Variants in GALNT11 observed in about 807,000 individuals in gnomAD.
The protein encoded by GALNT11 is UDP-GalNAc:polypeptide N-acetylgalactosaminyltransferase 11.
A neutral mutation model predicts 72.7 loss-of-function variants in GALNT11; 47 were observed. That is an observed-to-expected ratio of 0.65 (90% CI 0.51 to 0.82). The LOEUF is 0.82. Among genes scored for constraint, GALNT11 ranks in the 40% least tolerant of loss-of-function variants. The probability of loss-of-function intolerance (pLI) is 0.00; values close to 1 mark genes in which losing one functional copy is unlikely to be tolerated. For missense variants in GALNT11, 677 were observed against 778.4 expected, an observed-to-expected ratio of 0.87 and a Z score of 1.55; for synonymous variants, 270 against 286.6, an observed-to-expected ratio of 0.94 and a Z score of 0.58.
intron 1 of GALNT11, among the ~76,000 whole-genome samples, chr7:152,072,327 A>AG (rs2084701998): frequency 6.6e-6 from 1 of 151,838 alleles, no homozygotes; most frequent in African/African-American, 2.4e-5. Context: ...AAAAAAAAAA[A>AG]AAAAAGAAAA....
chr7:152,090,762 T>C (rs1169974984), intron 1 of GALNT11, among the ~76,000 whole-genome samples: 1 of 151,898 alleles, frequency 6.6e-6, no homozygotes, highest in Non-Finnish European at 1.5e-5. Flanking sequence ...CCTCTCCATC[T>C]TCCTGAAGCT....
intron 1 of GALNT11, among the ~76,000 whole-genome samples, chr7:152,037,094 A>G (rs977160429): frequency 3.9e-5 from 6 of 152,100 alleles, no homozygotes; most frequent in Admixed American, 3.3e-4. Context: ...ATGTGATACC[A>G]TTTGTCCATG....
At chr7:152,102,896 G>A (rs955682554) in intron 3 of GALNT11, among the ~76,000 whole-genome samples, 23 of 151,030 alleles carry the variant, frequency 1.5e-4, no homozygotes, top group East Asian at 2.0e-4. Flanking sequence ...CAGGAGAATC[G>A]CTTGAACCTG....
chr7:152,087,067 A>G (rs2085694803), intron 1 of GALNT11, among the ~76,000 whole-genome samples: 1 of 152,094 alleles, frequency 6.6e-6, no homozygotes, highest in Admixed American at 6.5e-5. Context: ...AATTGTTGCT[A>G]TATTCTACGC....
chr7:152,102,553 A>C (rs2087049540), intron 3 of GALNT11, among the ~76,000 whole-genome samples: 1 of 152,004 alleles, frequency 6.6e-6, no homozygotes, highest in South Asian at 2.1e-4. Context: ...AAAAAGAAAA[A>C]ATTTATCCAA....
rs190282501 is a variant in GALNT11 at position 152,063,976 on chromosome 7, C to T, written c.-38-30214C>T. 4.9e-4 allele frequency among the ~76,000 whole-genome samples: 74 copies of T among 152,196 alleles called. 1 individual carries two copies. Among genetic ancestry groups the T allele is most frequent in the African/African-American group, 1.6e-3 (66 of 41,518 alleles). ...GAGTTCTGTAGATGTCTATTAAGTC[C>T]GCTTAGTGCAGAGCTGAGTTCAATT... On this transcript the variant is annotated intron_variant, in intron 1 of 11. Transcript: ENST00000430044.
chr7:152,063,386 A>G (rs1287534177), intron 1 of GALNT11, among the ~76,000 whole-genome samples: 4 of 151,898 alleles, frequency 2.6e-5, no homozygotes, highest in Non-Finnish European at 5.9e-5. Flanking sequence ...CGGTCTATCA[A>G]TTTTGCTGAT....
At chr7:152,043,871 A>G (rs1403857583) in intron 1 of GALNT11, among the ~76,000 whole-genome samples, 1 of 152,178 alleles carries the variant, frequency 6.6e-6, no homozygotes, top group East Asian at 1.9e-4. Context: ...TCCAAGGTGG[A>G]ATGAACCAGA....
chr7:152,075,866 C>A (rs2084932117), intron 1 of GALNT11, among the ~76,000 whole-genome samples: 1 of 150,982 alleles, frequency 6.6e-6, no homozygotes, highest in Non-Finnish European at 1.5e-5. Flanking sequence ...TCGAGACCAT[C>A]CTGGCTAACA....
chr7:152,074,673 G>A (rs1363503973), intron 1 of GALNT11, among the ~76,000 whole-genome samples: 1 of 152,118 alleles, frequency 6.6e-6, no homozygotes, highest in Non-Finnish European at 1.5e-5. Context: ...GGGAGGGTGG[G>A]AGTTCTGGAA....
At chr7:152,088,246 C>A (rs1178735720) in intron 1 of GALNT11, among the ~76,000 whole-genome samples, 1 of 152,090 alleles carries the variant, frequency 6.6e-6, no homozygotes, top group Non-Finnish European at 1.5e-5. Flanking sequence ...TTTGTTGTTT[C>A]ATTGTTTAGT....
chr7:152,113,001 T>C (rs189210554), intron 7 of GALNT11, among the ~76,000 whole-genome samples: 215 of 152,334 alleles, frequency 1.4e-3, no homozygotes, highest in African/African-American at 4.6e-3. Flanking sequence ...TTCAGACTTA[T>C]GGTAGTAAAT....
At chr7:152,079,052 G>A (rs1358862746) in intron 1 of GALNT11, among the ~76,000 whole-genome samples, 2 of 152,238 alleles carry the variant, frequency 1.3e-5, no homozygotes, top group African/African-American at 2.4e-5. Context: ...ACAGGAAAGA[G>A]TATGTGTAGG....
intron 8 of GALNT11, 33 bp from the exon 9 acceptor site, chr7:152,117,124 C>G (rs150831945): frequency 1.4e-5 from 22 of 1,552,914 alleles, no homozygotes; most frequent in Middle Eastern, 1.7e-4. Flanking sequence ...ACAAAAAATT[C>G]GATTTTCTTA....
At chr7:152,101,321 T>G (rs1258506817) in intron 3 of GALNT11, among the ~76,000 whole-genome samples, 5 of 152,200 alleles carry the variant, frequency 3.3e-5, no homozygotes, top group Non-Finnish European at 5.9e-5. Context: ...GTGCATGTGG[T>G]CAGTCATTCC....
intron 1 of GALNT11, among the ~76,000 whole-genome samples, chr7:152,070,753 C>T (rs2084588428): frequency 6.6e-6 from 1 of 152,196 alleles, no homozygotes; most frequent in Non-Finnish European, 1.5e-5. Context: ...AGGATGTGTA[C>T]ATTTCTGAGG....
At chr7:152,103,387 C>G in intron 4 of GALNT11, 109 bp downstream of exon 4, 3 of 1,081,418 alleles carry the variant, frequency 2.8e-6, no homozygotes, top group Non-Finnish European at 4.0e-6. Context: ...GGGGATCCTA[C>G]ACGTGCAGTC....
chr7:152,047,857 C>T (rs935028954), intron 1 of GALNT11, among the ~76,000 whole-genome samples: 1 of 151,274 alleles, frequency 6.6e-6, no homozygotes, highest in Non-Finnish European at 1.5e-5. Context: ...ATTGTATTGT[C>T]TATGACCTGA....
rs149933208 is a variant in GALNT11, at chr7:152,043,832, C to T, written c.-39+17948C>T. Among the ~76,000 whole-genome samples the T allele has an allele frequency of 3.8e-4, 58 of 152,344 alleles. 1 individual carries two copies. The highest frequency in any genetic ancestry group is 8.8e-5 in the Non-Finnish European group (6 of 68,038). The stretch of plus-strand genomic sequence containing the variant: ...ACCTGCTCTGTTACTTCATTATACT[C>T]TCCTTCCTCCTCATCAGTGTGAAAA... On this transcript the variant is annotated intron_variant, in intron 1 of 11. Transcript: ENST00000430044.
Sources: gnomAD v4.1 joint callset for allele counts (sites outside exome capture counted in the v4.1 genomes callset) on GRCh38, gnomAD v4.1.1 for gene constraint, MANE v1.5 for transcripts, NCBI Gene and HGNC (gene_info 2026-07-23, HGNC 2026-07-21) for gene names.